Variants in MAP4K5 observed in about 807,000 individuals in gnomAD.
The protein encoded by MAP4K5 is mitogen-activated protein kinase kinase kinase kinase 5.
In MAP4K5, 82 loss-of-function variants were observed where a neutral mutation model predicts 135.6. That is an observed-to-expected ratio of 0.60 (90% CI 0.51 to 0.73). The LOEUF is 0.73. Among genes scored for constraint, MAP4K5 ranks in the 30% least tolerant of loss-of-function variants. The pLI is 0.00. For missense variants in MAP4K5, 907 were observed against 1,010.9 expected (o/e 0.90, Z 1.39); for synonymous variants, 347 against 335.0 (o/e 1.04, Z -0.39).
At position 50,532,114 on chromosome 14, in the gene MAP4K5, G is replaced by A; in HGVS notation, c.-65C>T. 1.0e-6 allele frequency: 1 copy of A among 998,654 alleles called. No homozygotes were observed. The highest frequency in any genetic ancestry group is 2.7e-5 in the East Asian group (1 of 37,696). The allele number at this position is 998,654 out of a possible 1,614,324, so 61.9% of individuals were successfully genotyped here. On this transcript the variant is annotated 5_prime_UTR_variant, in exon 2 of 33. Transcript: ENST00000682126. ...CTCCCGGATTCCCGCTAACAAGCAC[G>A]AACGGCGCCGCTTCCCAACATGGAG...
chr14:50,515,699 T>C (rs2038021059), intron 2 of MAP4K5, among the ~76,000 whole-genome samples: 1 of 152,218 alleles, frequency 6.6e-6, no homozygotes, highest in Non-Finnish European at 1.5e-5. Flanking sequence ...TTTCCACTTT[T>C]TATAAGAACT....
Position 50,560,209 on chromosome 14 carries a change from C to G in MAP4K5, c.-180+831G>C. ...TCCCACCGCCAGCAACCTGCGGCCC[C>G]GGAGAAGGCAGCGAGCGCAGTGACA... On this transcript the variant is annotated intron_variant, in intron 1 of 8. Coordinates refer to the MAP4K5 transcript ENST00000555216. 5.0e-6 allele frequency: 8 copies of G among 1,606,490 alleles called. No individual in the cohort carries two copies. In the Admixed American group the frequency reaches 5.1e-5, roughly 10 times the overall value.
At chr14:50,440,171 C>G (rs1376374589) in intron 22 of MAP4K5, 98 bp from the exon 23 acceptor site, 1 of 927,694 alleles carries the variant, frequency 1.1e-6, no homozygotes, top group Non-Finnish European at 1.6e-6. Context: ...TATTTTCTAA[C>G]TTTCAGGTAA....
chr14:50,442,122 C>A (rs1879038183), intron 21 of MAP4K5, among the ~76,000 whole-genome samples: 3 of 152,070 alleles, frequency 2.0e-5, no homozygotes, highest in South Asian at 4.1e-4. Flanking sequence ...TGTTTCCTCA[C>A]TTCAGAAACA....
chr14:50,542,706 A>C (rs551911189), intron 1 of MAP4K5: 1 of 152,122 alleles, frequency 6.6e-6, no homozygotes, highest in Non-Finnish European at 1.5e-5. Context: ...AGGGGAAGAA[A>C]AAGTTTAGGC....
At chr14:50,539,685 G>A (rs940733165) in intron 2 of MAP4K5, among the ~76,000 whole-genome samples, 1 of 152,168 alleles carries the variant, frequency 6.6e-6, no homozygotes, top group African/African-American at 2.4e-5. Flanking sequence ...GCCCTAATGG[G>A]GAAGTACACA....
chr14:50,444,691 C>G (rs1275066190), intron 18 of MAP4K5, among the ~76,000 whole-genome samples: 2 of 152,160 alleles, frequency 1.3e-5, no homozygotes, highest in Non-Finnish European at 2.9e-5. Flanking sequence ...TCAGAAGACA[C>G]ATACATAAAC....
chr14:50,426,002 A>C, intron 30 of MAP4K5, 25 bp from the exon 31 acceptor site: 1 of 1,401,402 alleles, frequency 7.1e-7, no homozygotes, highest in Non-Finnish European at 1.0e-6. Flanking sequence ...GGAGAAGTGA[A>C]ACTAATATAA....
At chr14:50,488,411 C>T (rs2037414559) in intron 3 of MAP4K5, among the ~76,000 whole-genome samples, 1 of 152,096 alleles carries the variant, frequency 6.6e-6, no homozygotes, top group South Asian at 2.1e-4. Context: ...CTTTGGATTC[C>T]CACCTACTCA....
rs530447823 is a variant in MAP4K5 at position 50,428,926 on chromosome 14, G to A, written c.2234-172C>T. Among the ~76,000 whole-genome samples, 18 of 152,166 alleles carry A rather than the reference G, an allele frequency of 1.2e-4. No individual in the cohort carries two copies. The South Asian group carries it at 2.9e-3, about 25-fold the overall frequency. On this transcript the variant is annotated intron_variant, in intron 29 of 32. Transcript: ENST00000682126. ...AAAATACTGTAAGAGTGCCTCCATC[G>A]GCAAATGGCAATTCTGCTATTATTT...
At chr14:50,436,948 T>A (rs2036107981) in intron 26 of MAP4K5, among the ~76,000 whole-genome samples, 1 of 152,282 alleles carries the variant, frequency 6.6e-6, no homozygotes, top group African/African-American at 2.4e-5. Flanking sequence ...GGTAATGATT[T>A]AAATCTATAT....
intron 29 of MAP4K5, 133 bp from the exon 30 acceptor site, chr14:50,428,887 ATGCCAAATGGCAAAAAATAC>A (rs2035908271): frequency 1.6e-6 from 1 of 637,562 alleles, no homozygotes; most frequent in Non-Finnish European, 2.7e-6. Context: ...TGAGTCAGGT[ATGCCAAATGGCAAAAAATAC>A]TGTAAGAGTG....
At chr14:50,428,260 A>T (rs1163601800) in intron 30 of MAP4K5, among the ~76,000 whole-genome samples, 1 of 151,986 alleles carries the variant, frequency 6.6e-6, no homozygotes, top group African/African-American at 2.4e-5. Context: ...CAGATAGAGA[A>T]CATTTCTATC....
At chr14:50,443,321 T>C (rs1447112082) in intron 20 of MAP4K5, among the ~76,000 whole-genome samples, 2 of 147,896 alleles carry the variant, frequency 1.4e-5, no homozygotes, top group African/African-American at 5.0e-5. Context: ...GGGGTTCCCA[T>C]TCACAGATAA....
upstream of MAP4K5, among the ~76,000 whole-genome samples, chr14:50,537,133 C>G (rs1046429668): frequency 6.6e-6 from 1 of 152,196 alleles, no homozygotes; most frequent in Admixed American, 6.5e-5. Flanking sequence ...GGCCCAGGGT[C>G]CCTGTGCTGT....
intron 2 of MAP4K5, among the ~76,000 whole-genome samples, chr14:50,525,488 T>C (rs1004897902): frequency 6.6e-6 from 1 of 152,176 alleles, no homozygotes; most frequent in Non-Finnish European, 1.5e-5. Flanking sequence ...TCTACATTTC[T>C]AGCCACTTTG....
At chr14:50,499,650 C>A (rs1461198627) in intron 3 of MAP4K5, among the ~76,000 whole-genome samples, 1 of 150,562 alleles carries the variant, frequency 6.6e-6, no homozygotes, top group Non-Finnish European at 1.5e-5. Flanking sequence ...AGAAAGAGAC[C>A]CTGTTTAAAA....
chr14:50,480,718 T>C (rs2037220241), intron 6 of MAP4K5, among the ~76,000 whole-genome samples: 1 of 152,186 alleles, frequency 6.6e-6, no homozygotes, highest in South Asian at 2.1e-4. Flanking sequence ...TGTGCAAGTA[T>C]CACAGAGGGT....
At chr14:50,476,097 G>GA in intron 8 of MAP4K5, 31 bp downstream of exon 8, 2 of 1,315,254 alleles carry the variant, frequency 1.5e-6, no homozygotes, top group Non-Finnish European at 2.0e-6. Flanking sequence ...TAAATTTTTG[G>GA]AAAAAATTTT....
Sources: allele counts gnomAD v4.1 joint callset (sites outside exome capture counted in the v4.1 genomes callset), GRCh38; gene constraint gnomAD v4.1.1; transcripts MANE v1.5; gene names NCBI Gene and HGNC (gene_info 2026-07-23, HGNC 2026-07-21).